The following ALG9 variants were observed in gnomAD, a reference collection of about 807,000 sequenced individuals.
ALG9 encodes alpha-1,2-mannosyltransferase ALG9.
In ALG9, 55 loss-of-function variants were observed where a neutral mutation model predicts 81.8. The observed-to-expected ratio is 0.67, with a 90% confidence interval of 0.54 to 0.84. The LOEUF is 0.84. Among genes scored for constraint, ALG9 ranks in the 40% least tolerant of loss-of-function variants. The probability of loss-of-function intolerance (pLI) is 0.00; values close to 1 mark genes in which losing one functional copy is unlikely to be tolerated. For synonymous variants in ALG9, 278 were observed against 274.3 expected, an observed-to-expected ratio of 1.01 and a Z score of -0.13; for missense variants, 629 against 745.0, an observed-to-expected ratio of 0.84 and a Z score of 1.81.
At chr11:111,773,205 C>G in the ALG9 span, among the ~76,000 whole-genome samples, 1 of 152,098 alleles carries the variant, frequency 6.6e-6, no homozygotes, top group Non-Finnish European at 1.5e-5. Flanking sequence ...TCTCTAAGAA[C>G]AGCAGTCAGG....
intron 13 of ALG9, among the ~76,000 whole-genome samples, chr11:111,818,457 A>G (rs1555100025): frequency 1.3e-5 from 2 of 152,310 alleles, no homozygotes; most frequent in African/African-American, 4.8e-5. Flanking sequence ...CTGTAACTGA[A>G]AGAAGACCAA....
At chr11:111,781,777 A>T (rs1945955867), downstream of ALG9, among the ~76,000 whole-genome samples, 1 of 152,116 alleles carries the variant, frequency 6.6e-6, no homozygotes, top group African/African-American at 2.4e-5. Flanking sequence ...CCTCCCAAGT[A>T]GCTGGGATTA....
intron 5 of ALG9, chr11:111,857,946 G>C: frequency 1.8e-6 from 1 of 556,940 alleles, no homozygotes; most frequent in Non-Finnish European, 3.1e-6. Flanking sequence ...TCTCACTCCT[G>C]GTTTTTTTTT....
intron 8 of ALG9, among the ~76,000 whole-genome samples, chr11:111,846,479 T>C (rs1242380777): frequency 6.6e-6 from 1 of 152,252 alleles, no homozygotes; most frequent in African/African-American, 2.4e-5. Context: ...ACCCTCCTGT[T>C]ACAGCTATCT....
At chr11:111,856,536 C>T (rs985603795) in intron 6 of ALG9, among the ~76,000 whole-genome samples, 24 of 151,402 alleles carry the variant, frequency 1.6e-4, no homozygotes, top group African/African-American at 5.8e-4. Flanking sequence ...AAGACATATA[C>T]CAAACTATTA....
In ALG9 at chr11:111,786,445, G is replaced by A. The variant is rs782438467; in HGVS notation, c.1809C>T (p.Ile603=). 1 of 1,614,112 alleles carries A rather than the reference G, an allele frequency of 6.2e-7. No individual in the cohort carries two copies. Among genetic ancestry groups the A allele is most frequent in the South Asian group, 1.1e-5 (1 of 91,086 alleles). Residue 603 remains isoleucine, a synonymous_variant, in exon 15 of 15, where the codon ATC becomes ATT. Coordinates refer to ENST00000616540, the MANE Select transcript of ALG9 (RefSeq NM_024740.2). ...TTTGCTTTGCTTTCCGGGGTTTGAGGATGGTGTAGTTTACGTACACTGTAT... is the reference window on the plus strand; with the variant it reads ...TTTGCTTTGCTTTCCGGGGTTTGAGAATGGTGTAGTTTACGTACACTGTAT... The part of the protein sequence containing the change: ...DQYTVYVNYT[I]LKPRKAKQIR...
the ALG9 span, chr11:111,771,320 T>C: frequency 6.5e-3 from 997 of 152,386 alleles, 8 homozygotes; most frequent in Middle Eastern, 0.054. Context: ...TAATCCCAGA[T>C]ACTCAGGAGG....
At chr11:111,813,733 C>T (rs1555094049) in intron 13 of ALG9, among the ~76,000 whole-genome samples, 1 of 151,972 alleles carries the variant, frequency 6.6e-6, no homozygotes, top group Non-Finnish European at 1.5e-5. Flanking sequence ...GAAATGGCCA[C>T]AACAAGTGAA....
intron 13 of ALG9, among the ~76,000 whole-genome samples, chr11:111,832,914 C>G (rs1335503959): frequency 2.0e-5 from 3 of 152,078 alleles, no homozygotes; most frequent in Admixed American, 2.0e-4. Context: ...TGCCTGTAGT[C>G]CTAGCTACTC....
chr11:111,864,242 C>G (rs1418385211), intron 4 of ALG9: 2 of 954,050 alleles, frequency 2.1e-6, no homozygotes, highest in Admixed American at 1.8e-5. Context: ...TGGCCCGGCC[C>G]TCACGTGCAC....
intron 13 of ALG9, among the ~76,000 whole-genome samples, chr11:111,822,558 A>G (rs577509499): frequency 6.6e-5 from 10 of 152,138 alleles, no homozygotes; most frequent in Admixed American, 5.9e-4. Context: ...CAAAAAATAC[A>G]AAAATTTAGC....
chr11:111,829,856 A>C (rs1429398434), intron 13 of ALG9, among the ~76,000 whole-genome samples: 4 of 152,210 alleles, frequency 2.6e-5, no homozygotes, highest in African/African-American at 9.7e-5. Flanking sequence ...AACAGTACTC[A>C]TCTCTTCCAG....
At chr11:111,857,851 T>C (rs1263758344) in intron 5 of ALG9, 114 bp from the exon 6 acceptor site, 3 of 1,194,548 alleles carry the variant, frequency 2.5e-6, no homozygotes, top group Non-Finnish European at 3.6e-6. Context: ...AATAAACAGG[T>C]ACATAATTGG....
chr11:111,841,154 C>T (rs540606092), intron 9 of ALG9, among the ~76,000 whole-genome samples: 4 of 152,152 alleles, frequency 2.6e-5, no homozygotes, highest in Non-Finnish European at 5.9e-5. Flanking sequence ...GCCACTAAGA[C>T]GAAAAGTTCC....
At chr11:111,801,379 C>T (rs1414414677) in intron 14 of ALG9, among the ~76,000 whole-genome samples, 3 of 152,136 alleles carry the variant, frequency 2.0e-5, no homozygotes, top group African/African-American at 7.2e-5. Flanking sequence ...GCTGTTTTTG[C>T]AGTTAGACCA....
chr11:111,820,755 C>T (rs114059877), intron 13 of ALG9, among the ~76,000 whole-genome samples: 1,774 of 152,254 alleles, frequency 0.012, 31 homozygotes, highest in African/African-American at 0.039. Flanking sequence ...TGTTTTTTGA[C>T]TCCATTTTAG....
chr11:111,788,845 T>C (rs1946900279), intron 14 of ALG9, among the ~76,000 whole-genome samples: 1 of 152,152 alleles, frequency 6.6e-6, no homozygotes, highest in Non-Finnish European at 1.5e-5. Flanking sequence ...AGCAAACTCC[T>C]ATAAGCTTTA....
intron 13 of ALG9, among the ~76,000 whole-genome samples, chr11:111,822,640 G>A (rs782093404): frequency 1.3e-5 from 2 of 151,970 alleles, no homozygotes; most frequent in Non-Finnish European, 2.9e-5. Context: ...CTGAGTCCAG[G>A]AAGTTGAGAC....
intron 3 of ALG9, among the ~76,000 whole-genome samples, chr11:111,867,227 C>T (rs1292637021): frequency 6.6e-6 from 1 of 152,210 alleles, no homozygotes; most frequent in Non-Finnish European, 1.5e-5. Context: ...TGCAATCATA[C>T]CTCTCTTTTG....
Sources: allele counts gnomAD v4.1 joint callset (sites outside exome capture counted in the v4.1 genomes callset), GRCh38; gene constraint gnomAD v4.1.1; transcripts MANE v1.5; gene names NCBI Gene and HGNC (gene_info 2026-07-23, HGNC 2026-07-21).